The following SYNRG variants were observed in gnomAD, a reference collection of about 807,000 sequenced individuals.
The protein encoded by SYNRG is AP1 gamma subunit binding protein 1.
A neutral mutation model predicts 130.9 loss-of-function variants in SYNRG; 37 were observed. That is an observed-to-expected ratio of 0.28 (90% confidence interval 0.22 to 0.37). The LOEUF is 0.37. SYNRG is among the 10% of genes least tolerant of loss of function. SYNRG has a pLI of 1.00. For missense variants in SYNRG, 1,338 were observed against 1,588.9 expected, an observed-to-expected ratio of 0.84 and a Z score of 2.68; for synonymous variants, 539 against 568.1, an observed-to-expected ratio of 0.95 and a Z score of 0.73.
intron 14 of SYNRG, among the ~76,000 whole-genome samples, chr17:37,551,875 C>CAAAAAAAAAAA (rs11401626): frequency 2.3e-5 from 2 of 86,064 alleles, no homozygotes; most frequent in Non-Finnish European, 2.9e-5. Context: ...AGGAAAAGTA[C>CAAAAAAAAAAA]AAAAAAAAAA....
intron 14 of SYNRG, among the ~76,000 whole-genome samples, chr17:37,545,466 C>T (rs1279356637): frequency 6.6e-6 from 1 of 152,064 alleles, no homozygotes; most frequent in Non-Finnish European, 1.5e-5. Context: ...TCAAACACTG[C>T]AATCAAGATA....
intron 14 of SYNRG, among the ~76,000 whole-genome samples, chr17:37,546,738 G>A (rs906271206): frequency 2.6e-5 from 4 of 152,154 alleles, no homozygotes; most frequent in Non-Finnish European, 4.4e-5. Context: ...GGAGTTTGGA[G>A]AAAGAAGAAA....
intron 19 of SYNRG, among the ~76,000 whole-genome samples, chr17:37,521,261 T>C (rs1217988077): frequency 6.6e-6 from 1 of 151,912 alleles, no homozygotes; most frequent in East Asian, 1.9e-4. Context: ...AACTCCTGAT[T>C]GCAGGTGATC....
intron 18 of SYNRG, chr17:37,537,013 C>T (rs1014784173): frequency 2.0e-5 from 3 of 152,186 alleles, no homozygotes; most frequent in Non-Finnish European, 4.4e-5. Flanking sequence ...TACTGCCCAC[C>T]CTAAGCCAAG....
At chr17:37,535,486 T>G (rs945162097) in intron 19 of SYNRG, among the ~76,000 whole-genome samples, 39 of 152,218 alleles carry the variant, frequency 2.6e-4, no homozygotes, top group Non-Finnish European at 2.9e-5. Flanking sequence ...CTAGTTCACT[T>G]GGAGGAAATA....
chr17:37,582,218 T>C (rs1282455142), intron 6 of SYNRG, among the ~76,000 whole-genome samples: 1 of 152,202 alleles, frequency 6.6e-6, no homozygotes, highest in Non-Finnish European at 1.5e-5. Context: ...TGCATACTTC[T>C]TTCCTCTCTT....
Position 37,609,388 on chromosome 17 carries a change from G to T in SYNRG, c.-33C>A. 7.2e-7 allele frequency: 1 copy of T among 1,397,948 alleles called. No homozygotes were observed. Among genetic ancestry groups the T allele is most frequent in the South Asian group, 1.5e-5 (1 of 65,588 alleles). 86.6% of individuals were successfully genotyped at this position (1,397,948 alleles called of 1,614,324 possible). A position where few individuals can be genotyped will look rare whatever the true frequency, so the allele number is the denominator to read the frequency against. On this transcript the variant is annotated 5_prime_UTR_variant, in exon 1 of 22. Transcript: ENST00000612223. Reference sequence around the variant, plus strand: ...CCGACCTGCCGCTGCCTTCGCCGCCGCCACCTTATCAGCAGCTGTCAGCTG... The same window carrying T: ...CCGACCTGCCGCTGCCTTCGCCGCCTCCACCTTATCAGCAGCTGTCAGCTG...
chr17:37,590,933 T>TA, intron 3 of SYNRG, among the ~76,000 whole-genome samples: 1 of 152,084 alleles, frequency 6.6e-6, no homozygotes, highest in South Asian at 2.1e-4. Context: ...ACGAGAACTA[T>TA]AAACACCGAA....
chr17:37,537,858 A>C (rs989649158), intron 18 of SYNRG, among the ~76,000 whole-genome samples: 1 of 152,236 alleles, frequency 6.6e-6, no homozygotes, highest in African/African-American at 2.4e-5. Flanking sequence ...CCACGGGCCA[A>C]GCCTGAGCTT....
chr17:37,522,231 G>A (rs1470801322), intron 19 of SYNRG, among the ~76,000 whole-genome samples: 5 of 151,908 alleles, frequency 3.3e-5, no homozygotes, highest in African/African-American at 9.7e-5. Context: ...GTACAGTGGC[G>A]TGATCACAGC....
chr17:37,548,342 G>A (rs1455066455), intron 14 of SYNRG, among the ~76,000 whole-genome samples: 4 of 152,266 alleles, frequency 2.6e-5, no homozygotes, highest in Non-Finnish European at 5.9e-5. Flanking sequence ...ATTTACACAA[G>A]GTTTTTGAAA....
chr17:37,529,633 A>C lies in SYNRG; in HGVS notation c.3666+6346T>G, dbSNP rs953138562. ...AAGCTTGTAGCCACAGGAGCTTGGGAAAAGGTACAAAAATGAAACTGGCTT... is the reference window on the plus strand; with the variant it reads ...AAGCTTGTAGCCACAGGAGCTTGGGCAAAGGTACAAAAATGAAACTGGCTT... On this transcript the variant is annotated intron_variant, in intron 19 of 21. Transcript: ENST00000612223. The C allele has an allele frequency of 7.0e-5, 45 of 647,180 alleles. 1 individual carries two copies. Among genetic ancestry groups the C allele is most frequent in the Admixed American group, 5.4e-4 (18 of 33,086 alleles). 40.1% of individuals were successfully genotyped at this position (647,180 alleles called of 1,614,324 possible). A position where few individuals can be genotyped will look rare whatever the true frequency, so the allele number is the denominator to read the frequency against.
rs182976689 is a variant in SYNRG, at chr17:37,589,892, C to T, written c.241-3343G>A. Reference sequence around the variant, plus strand: ...AGAGACTTAATTTGAAAAGACAGGCCGGGCGCATTGGCTCACACATGTAAT... The same window carrying T: ...AGAGACTTAATTTGAAAAGACAGGCTGGGCGCATTGGCTCACACATGTAAT... On this transcript the variant is annotated intron_variant, in intron 3 of 21. Coordinates refer to ENST00000612223, the MANE Select transcript of SYNRG (RefSeq NM_007247.6). Among the ~76,000 whole-genome samples the T allele has an allele frequency of 6.9e-4, 105 of 152,052 alleles. No homozygotes were observed. In the East Asian group the frequency reaches 0.019, roughly 27 times the overall value.
chr17:37,594,607 A>AT (rs964479767), intron 3 of SYNRG, among the ~76,000 whole-genome samples: 1 of 151,830 alleles, frequency 6.6e-6, no homozygotes, highest in Non-Finnish European at 1.5e-5. Context: ...GATTACAGGC[A>AT]TGCACCACCA....
At chr17:37,598,756 A>G (rs2063002544) in intron 2 of SYNRG, among the ~76,000 whole-genome samples, 1 of 152,260 alleles carries the variant, frequency 6.6e-6, no homozygotes, top group African/African-American at 2.4e-5. Flanking sequence ...AAGAAAAAAT[A>G]TCAGGCAACA....
In SYNRG at chr17:37,572,004, C is replaced by T; in HGVS notation, c.902-17G>A. The stretch of plus-strand genomic sequence containing the variant: ...TATAGGCATCTATTAAAGGAAAGAC[C>T]AGATTACAAATGGAAACACATTCCA... On this transcript the variant is annotated splice_polypyrimidine_tract_variant and intron_variant, in intron 8 of 21. Coordinates refer to ENST00000612223, the MANE Select transcript of SYNRG (RefSeq NM_007247.6). 2 of 1,593,320 alleles carry T rather than the reference C, an allele frequency of 1.3e-6. No homozygotes were observed. The highest frequency in any genetic ancestry group is 1.7e-6 in the Non-Finnish European group (2 of 1,167,978).
chr17:37,537,237 G>C (rs1055821740), intron 18 of SYNRG: 8 of 152,310 alleles, frequency 5.3e-5, no homozygotes. Flanking sequence ...CTACGTGCAA[G>C]ACACTAGATT....
chr17:37,604,233 C>T (rs895322781), intron 1 of SYNRG, among the ~76,000 whole-genome samples: 31 of 116,196 alleles, frequency 2.7e-4, no homozygotes, highest in African/African-American at 1.2e-3. Context: ...GAGTGAGACT[C>T]TGTCTATAAA....
intron 3 of SYNRG, 90 bp from the exon 4 acceptor site, chr17:37,586,639 T>C (rs2061712710): frequency 1.4e-6 from 2 of 1,422,646 alleles, no homozygotes; most frequent in Non-Finnish European, 1.9e-6. Context: ...TCTATCTTAA[T>C]ACTCTTATTT....
Sources: allele counts gnomAD v4.1 joint callset (sites outside exome capture counted in the v4.1 genomes callset), GRCh38; gene constraint gnomAD v4.1.1; transcripts MANE v1.5; gene names NCBI Gene and HGNC (gene_info 2026-07-23, HGNC 2026-07-21).